The following GUSB variants were observed in gnomAD, a reference collection of about 807,000 sequenced individuals.
GUSB encodes glucuronidase beta.
Under a neutral mutation model 74.6 loss-of-function variants are expected in GUSB, and 51 were observed. The ratio of observed to expected loss-of-function variants is 0.68; its 90% confidence interval spans 0.55 to 0.86. GUSB has a LOEUF of 0.86. Ranked by LOEUF, GUSB falls within the 40% of genes least tolerant of loss-of-function variation. The pLI is 0.00. For missense variants in GUSB, 736 were observed against 853.7 expected (o/e 0.86, Z 1.72); for synonymous variants, 360 against 348.3 (o/e 1.03, Z -0.37).
At chr7:65,975,444 G>A (rs1791504721) in intron 5 of GUSB, 2 of 337,008 alleles carry the variant, frequency 5.9e-6, no homozygotes, top group Non-Finnish European at 1.2e-5. Context: ...GAGTGCAGTG[G>A]TGTGATCTCA....
At chr7:65,979,353 G>A in intron 4 of GUSB, 46 bp downstream of exon 4, 2 of 1,570,362 alleles carry the variant, frequency 1.3e-6, no homozygotes, top group Non-Finnish European at 8.7e-7. Context: ...GGAACAAACA[G>A]AGCCACCCTG....
intron 9 of GUSB, 62 bp from the exon 10 acceptor site, chr7:65,967,969 C>G: frequency 1.5e-6 from 2 of 1,364,270 alleles, no homozygotes; most frequent in South Asian, 2.3e-5. Flanking sequence ...AGCATTCACA[C>G]ACTGCGGGGG....
rs141303888 is a variant in GUSB at position 65,974,943 on chromosome 7, A to G, written c.1041T>C (p.Gly347=). 576 of 1,613,842 alleles carry G rather than the reference A, an allele frequency of 3.6e-4. 5 individuals are homozygous for G. In the African/African-American group the frequency reaches 6.9e-3, roughly 19 times the overall value. Residue 347 remains glycine (G), a synonymous_variant, in exon 6 of 12, where the codon GGT becomes GGC. Coordinates refer to ENST00000304895, the MANE Select transcript of GUSB (RefSeq NM_000181.4). The stretch of plus-strand genomic sequence containing the variant: ...CGTCCGCATCCTCATGCTTGTTGAC[A>G]CCGTGGAAATAGAAAGGTTTCCCAT... ...LINGKPFYFH[G]VNKHEDADIR... is the part of the protein sequence containing the mutation.
At chr7:65,980,018 T>C in intron 2 of GUSB, 107 bp from the exon 3 acceptor site, 2 of 1,039,854 alleles carry the variant, frequency 1.9e-6, no homozygotes, top group Non-Finnish European at 2.8e-6. Flanking sequence ...CTCCGGGGCC[T>C]TCCAGCCAGA....
At chr7:65,961,577 C>A (rs528861604) in intron 11 of GUSB, among the ~76,000 whole-genome samples, 126 of 152,220 alleles carry the variant, frequency 8.3e-4, no homozygotes, top group South Asian at 3.7e-3. Flanking sequence ...GGGAAAAAAA[C>A]CCAAAACAGT....
intron 10 of GUSB, among the ~76,000 whole-genome samples, chr7:65,966,029 G>A (rs1324477192): frequency 1.3e-5 from 2 of 152,192 alleles, no homozygotes; most frequent in Non-Finnish European, 2.9e-5. Flanking sequence ...AATGAGGTGG[G>A]CGTGGTGGCG....
rs747101015 is a variant in GUSB at position 65,980,307 on chromosome 7, C to A, written c.313G>T (p.Val105Leu). Residue 105 changes from valine (V) to leucine (L), a missense_variant, in exon 2 of 12, where the codon GTG becomes TTG. Around this residue, in one of 2 missense-constraint regions of GUSB, gnomAD observed 368 missense variants for 363.8 expected, o/e 1.01. Transcript: ENST00000304895. ...TGGGTCCATCGCTCCGGCAGGATCA[C>A]CTCCCGTTCGTACCACACCCAGCCG... ...FVGWVWYEREVILPERWTQDL... is the reference protein window; with the variant it reads ...FVGWVWYERELILPERWTQDL... 6.2e-7 allele frequency: 1 copy of A among 1,613,566 alleles called. No homozygotes were observed. Among genetic ancestry groups the A allele is most frequent in the African/African-American group, 1.3e-5 (1 of 74,900 alleles).
rs546478173 is a variant in GUSB at position 65,967,582 on chromosome 7, G to A, written c.1653+149C>T. Reference sequence around the variant, plus strand: ...TGAGTGGGGCACAGGCCTGGCTGTTGGCGGTGAGGGAACGTGGACGGGGCC... The same window carrying A: ...TGAGTGGGGCACAGGCCTGGCTGTTAGCGGTGAGGGAACGTGGACGGGGCC... On this transcript the variant is annotated intron_variant, in intron 10 of 11. Transcript: ENST00000304895. The A allele has an allele frequency of 1.8e-4, 133 of 728,860 alleles. 1 individual carries two copies. In the African/African-American group the frequency reaches 2.0e-3, roughly 11 times the overall value. 45.1% of individuals were successfully genotyped at this position (728,860 alleles called of 1,614,324 possible). A position where few individuals can be genotyped will look rare whatever the true frequency, so the allele number is the denominator to read the frequency against.
chr7:65,979,476 C>A lies in GUSB; in HGVS notation c.647G>T (p.Arg216Leu). The change falls in exon 4 of 12, where the codon CGG (arginine) becomes CTG (leucine). Residue 216 changes from arginine (R) to leucine (L), a missense_variant. Arg to Leu is a moderately radical substitution (Grantham distance 102). Around this residue, in one of 2 missense-constraint regions of GUSB, gnomAD observed 368 missense variants for 363.8 expected, o/e 1.01. Coordinates refer to ENST00000304895, the MANE Select transcript of GUSB (RefSeq NM_000181.4). ...FDFFNYAGLQ[R>L]SVLLYTTPTT... The stretch of plus-strand genomic sequence containing the variant: ...GGGTGTCGTGTACAGAAGTACAGAC[C>A]GCTGCAGTCCAGCGTAGTTGAAAAA... 1 of 1,613,772 alleles carries A rather than the reference C, an allele frequency of 6.2e-7. No homozygotes were observed. Among genetic ancestry groups the A allele is most frequent in the South Asian group, 1.1e-5 (1 of 91,070 alleles).
chr7:65,964,229 C>A (rs1182381538), intron 11 of GUSB, 94 bp downstream of exon 11: 1 of 1,121,118 alleles, frequency 8.9e-7, no homozygotes, highest in Non-Finnish European at 1.4e-6. Context: ...AACTTTGTTT[C>A]CAATATTCTT....
In GUSB at chr7:65,974,742, C is replaced by A. The variant is rs374231575; in HGVS notation, c.1066-38G>T. 3.7e-6 allele frequency: 6 copies of A among 1,607,220 alleles called. No homozygotes were observed. The African/African-American group carries it at 4.0e-5, about 11-fold the overall frequency. On this transcript the variant is annotated intron_variant, in intron 6 of 11. Coordinates refer to ENST00000304895, the MANE Select transcript of GUSB (RefSeq NM_000181.4). ...AGAGCCAAGTGACCCCTGTCCCTGT[C>A]GAAGCTGCACTTCCTCTGAGAGCCA...
chr7:65,972,121 C>T (rs762976319), intron 8 of GUSB, among the ~76,000 whole-genome samples: 5 of 152,006 alleles, frequency 3.3e-5, no homozygotes, highest in Non-Finnish European at 7.4e-5. Flanking sequence ...GTGCTCAGAG[C>T]TCCTGGCACC....
intron 9 of GUSB, among the ~76,000 whole-genome samples, chr7:65,969,706 A>T (rs1791072798): frequency 6.6e-6 from 1 of 152,160 alleles, no homozygotes; most frequent in Admixed American, 6.6e-5. Flanking sequence ...CTACAAAAGA[A>T]AAAGAAAAAC....
intron 10 of GUSB, 90 bp downstream of exon 10, chr7:65,967,641 G>T: frequency 2.8e-6 from 3 of 1,061,004 alleles, no homozygotes; most frequent in Non-Finnish European, 4.4e-6. Context: ...AGCGAGGGGA[G>T]CAGTGCAGTG....
At chr7:65,964,904 A>G (rs1227897010) in intron 10 of GUSB, among the ~76,000 whole-genome samples, 1 of 151,764 alleles carries the variant, frequency 6.6e-6, no homozygotes, top group East Asian at 1.9e-4. Context: ...CCCCATCTCT[A>G]CAAAAAGTAC....
At chr7:65,962,442 C>T (rs147331984) in intron 11 of GUSB, among the ~76,000 whole-genome samples, 2 of 152,374 alleles carry the variant, frequency 1.3e-5, no homozygotes. Context: ...TAAGTGAACA[C>T]AGGCATCGCC....
chr7:65,966,383 G>A (rs10246998), intron 10 of GUSB, among the ~76,000 whole-genome samples: 2 of 152,176 alleles, frequency 1.3e-5, no homozygotes, highest in Admixed American at 1.3e-4. Context: ...GTGTGAGCTG[G>A]CTGGGGTGGG....
intron 10 of GUSB, among the ~76,000 whole-genome samples, chr7:65,965,270 G>A (rs939973789): frequency 6.6e-6 from 1 of 151,858 alleles, no homozygotes. Flanking sequence ...GCCAGGTGTG[G>A]TGGCGCACGC....
chr7:65,974,271 C>T (rs368233882), intron 8 of GUSB, 24 bp downstream of exon 8: 9 of 1,612,990 alleles, frequency 5.6e-6, no homozygotes, highest in African/African-American at 2.7e-5. Context: ...CCACTCTAGC[C>T]GAGGGCAGGG....
Sources: gnomAD v4.1 joint callset for allele counts (sites outside exome capture counted in the v4.1 genomes callset) on GRCh38, gnomAD v4.1.1 for gene constraint, gnomAD v4.1.1 regional missense constraint, MANE v1.5 for transcripts, NCBI Gene and HGNC (gene_info 2026-07-23, HGNC 2026-07-21) for gene names.